The following ARHGAP15 variants were observed in gnomAD, a reference collection of about 807,000 sequenced individuals.
ARHGAP15 encodes rho GTPase-activating protein 15.
Under a neutral mutation model 63.7 loss-of-function variants are expected in ARHGAP15, and 51 were observed. The ratio of observed to expected loss-of-function variants is 0.80; its 90% CI spans 0.64 to 1.01. The LOEUF is 1.01. Among genes scored for constraint, ARHGAP15 ranks in the 50% least tolerant of loss-of-function variants. ARHGAP15 has a pLI of 0.00. For missense variants in ARHGAP15, 560 were observed against 564.6 expected (o/e 0.99, Z 0.08); for synonymous variants, 191 against 193.8 (o/e 0.99, Z 0.12).
chr2:143,510,018 T>TAAAAAAAAAAAAAAAAAAAAAAAAAAAAA (rs35469918), intron 9 of ARHGAP15, among the ~76,000 whole-genome samples: 1 of 48,808 alleles, frequency 2.0e-5, no homozygotes, highest in Non-Finnish European at 3.6e-5. Flanking sequence ...GACTCCCTCT[T>TAAAAAAAAAAAAAAAAAAAAAAAAAAAAA]AAAAAAAAAA....
chr2:143,149,832 A>G (rs979458366), intron 1 of ARHGAP15, among the ~76,000 whole-genome samples: 1 of 152,042 alleles, frequency 6.6e-6, no homozygotes, highest in Non-Finnish European at 1.5e-5. Context: ...TTTTTCATTT[A>G]TACATTCAAC....
chr2:143,763,964 A>G (rs974059458), intron 13 of ARHGAP15, among the ~76,000 whole-genome samples: 1 of 151,510 alleles, frequency 6.6e-6, no homozygotes, highest in Non-Finnish European at 1.5e-5. Context: ...CAGGAAAAAA[A>G]TTTCAAGCTG....
intron 1 of ARHGAP15, among the ~76,000 whole-genome samples, chr2:143,149,055 T>G (rs1337992117): frequency 6.6e-6 from 1 of 151,934 alleles, no homozygotes; most frequent in Non-Finnish European, 1.5e-5. Flanking sequence ...ACAGACTTGT[T>G]CTACCACAGA....
intron 5 of ARHGAP15, among the ~76,000 whole-genome samples, chr2:143,231,878 C>T (rs1693456382): frequency 6.6e-6 from 1 of 152,156 alleles, no homozygotes; most frequent in South Asian, 2.1e-4. Context: ...AGTGAGAGAG[C>T]AGACGTTCGT....
intron 11 of ARHGAP15, among the ~76,000 whole-genome samples, chr2:143,599,622 G>A (rs1216571782): frequency 1.4e-4 from 22 of 151,940 alleles, no homozygotes; most frequent in Admixed American, 1.3e-4. Flanking sequence ...AGAAAGAAAC[G>A]AAGCCATAAC....
intron 6 of ARHGAP15, among the ~76,000 whole-genome samples, chr2:143,277,209 AAAC>A (rs1173827919): frequency 6.6e-6 from 1 of 152,084 alleles, no homozygotes; most frequent in Non-Finnish European, 1.5e-5. Context: ...TTCTCTTTTC[AAAC>A]AACAAGAAAT....
At chr2:143,513,828 T>C (rs1271797669) in intron 9 of ARHGAP15, among the ~76,000 whole-genome samples, 1 of 152,164 alleles carries the variant, frequency 6.6e-6, no homozygotes, top group Non-Finnish European at 1.5e-5. Context: ...ACTGAATCAC[T>C]CCTTCTTGCC....
rs1389577024 is a variant in ARHGAP15 at position 143,347,444 on chromosome 2, G to A, written c.475-88157G>A. The stretch of plus-strand genomic sequence containing the variant: ...TTGTCCTAATGATGGGTTTTCGGAT[G>A]GGGAATGCAGCTCTTTTCTTTCTCT... On this transcript the variant is annotated intron_variant, in intron 6 of 13. Coordinates refer to ENST00000295095, the MANE Select transcript of ARHGAP15 (RefSeq NM_018460.4). 2.6e-5 allele frequency among the ~76,000 whole-genome samples: 4 copies of A among 152,234 alleles called. No homozygotes were observed. In the East Asian group the frequency reaches 7.7e-4, roughly 29 times the overall value.
At chr2:143,594,027 C>G (rs945896409) in intron 11 of ARHGAP15, among the ~76,000 whole-genome samples, 2 of 151,956 alleles carry the variant, frequency 1.3e-5, no homozygotes, top group African/African-American at 4.8e-5. Context: ...AAATAAACAG[C>G]AAATTATGAA....
Position 143,514,672 on chromosome 2 carries a change from C to G in ARHGAP15, c.827-4594C>G, listed in dbSNP as rs118064563. 3.9e-5 allele frequency among the ~76,000 whole-genome samples: 6 copies of G among 152,264 alleles called. No homozygotes were observed. The East Asian group carries it at 7.7e-4, about 20-fold the overall frequency. On this transcript the variant is annotated intron_variant, in intron 9 of 13. Transcript: ENST00000295095. ...GGCATATAACACCGAGCATCTATTT[C>G]TCATGTGTCTGTGGTGCAGGCTTGA...
Position 143,578,514 on chromosome 2 carries a change from T to G in ARHGAP15, c.1003+22029T>G, listed in dbSNP as rs544016754. On this transcript the variant is annotated intron_variant, in intron 11 of 13. Coordinates refer to ENST00000295095, the MANE Select transcript of ARHGAP15 (RefSeq NM_018460.4). The stretch of plus-strand genomic sequence containing the variant: ...CCAGGGAGAGTAATGTTGAAATCTT[T>G]GATGACTCTAGGCCATCTAGAAAGC... Among the ~76,000 whole-genome samples, 4 of 152,282 alleles carry G rather than the reference T, an allele frequency of 2.6e-5. No individual in the cohort carries two copies. The South Asian group carries it at 8.3e-4, about 32-fold the overall frequency.
At chr2:143,435,244 G>A in intron 6 of ARHGAP15, 1 of 995,214 alleles carries the variant, frequency 1.0e-6, no homozygotes, top group Non-Finnish European at 1.2e-6. Flanking sequence ...CGTGCAGAAT[G>A]AATTCTGACA....
intron 2 of ARHGAP15, among the ~76,000 whole-genome samples, chr2:143,164,803 T>A (rs778280182): frequency 4.6e-5 from 7 of 151,966 alleles, no homozygotes; most frequent in Non-Finnish European, 8.8e-5. Context: ...AGCACTATAG[T>A]CACTGTTATA....
intron 6 of ARHGAP15, among the ~76,000 whole-genome samples, chr2:143,277,873 T>C (rs2381404): frequency 0.21 from 32,470 of 152,068 alleles, 3,918 homozygotes; most frequent in Admixed American, 0.34. Flanking sequence ...GTGAGGAAAT[T>C]TATAGATATA....
Position 143,529,439 on chromosome 2 carries a change from A to G in ARHGAP15, c.925+10075A>G, listed in dbSNP as rs544716569. ...ATTTCTGCCCAGGCCACTCTTTTCA[A>G]TGCTGCCAAAATGATCCCTCTTAAA... On this transcript the variant is annotated intron_variant, in intron 10 of 13. Coordinates refer to ENST00000295095, the MANE Select transcript of ARHGAP15 (RefSeq NM_018460.4). Among the ~76,000 whole-genome samples the G allele has an allele frequency of 7.2e-5, 11 of 152,148 alleles. 1 individual carries two copies. The South Asian group carries it at 2.3e-3, about 32-fold the overall frequency.
intron 12 of ARHGAP15, among the ~76,000 whole-genome samples, chr2:143,697,070 A>G (rs1414571955): frequency 6.6e-6 from 1 of 152,218 alleles, no homozygotes; most frequent in Admixed American, 6.5e-5. Context: ...GGCTACGCTC[A>G]AGGCGGTGGT....
intron 12 of ARHGAP15, among the ~76,000 whole-genome samples, chr2:143,694,831 T>C (rs1297098196): frequency 2.0e-5 from 3 of 152,244 alleles, no homozygotes; most frequent in African/African-American, 7.2e-5. Flanking sequence ...AAGGATAAAG[T>C]TTAATATGCC....
chr2:143,156,959 C>A lies in ARHGAP15; in HGVS notation c.165+1304C>A, dbSNP rs184133544. Among the ~76,000 whole-genome samples the A allele has an allele frequency of 3.5e-3, 534 of 151,942 alleles. 8 individuals are homozygous for A. Among genetic ancestry groups the A allele is most frequent in the Non-Finnish European group, 6.0e-3 (409 of 67,900 alleles). ...TAATGTATTATCAGTAAGAACTGTA[C>A]CTTTGAAAAAGTTTAAAAGTTAAGT... On this transcript the variant is annotated intron_variant, in intron 2 of 13. Transcript: ENST00000295095.
intron 8 of ARHGAP15, among the ~76,000 whole-genome samples, chr2:143,473,213 T>A (rs990552439): frequency 6.6e-6 from 1 of 152,202 alleles, no homozygotes; most frequent in Non-Finnish European, 1.5e-5. Context: ...AATGGAGCAA[T>A]AAATTTCCAT....
Sources: gnomAD v4.1 joint callset for allele counts (sites outside exome capture counted in the v4.1 genomes callset) on GRCh38, gnomAD v4.1.1 for gene constraint, MANE v1.5 for transcripts, NCBI Gene and HGNC (gene_info 2026-07-23, HGNC 2026-07-21) for gene names.